The following PPIP5K2 variants were observed in gnomAD, a reference collection of about 807,000 sequenced individuals.
The protein encoded by PPIP5K2 is diphosphoinositol pentakisphosphate kinase 2.
A neutral mutation model predicts 154.6 loss-of-function variants in PPIP5K2; 105 were observed. The observed-to-expected ratio is 0.68, with a 90% confidence interval of 0.58 to 0.80. The LOEUF is 0.80. Ranked by LOEUF, PPIP5K2 falls within the 30% of genes least tolerant of loss-of-function variation. The probability of loss-of-function intolerance (pLI) is 0.00; values close to 1 mark genes in which losing one functional copy is unlikely to be tolerated. For synonymous variants in PPIP5K2, 480 were observed against 490.3 expected, an observed-to-expected ratio of 0.98 and a Z score of 0.28; for missense variants, 992 against 1,504.6, an observed-to-expected ratio of 0.66 and a Z score of 5.64.
intron 14 of PPIP5K2, among the ~76,000 whole-genome samples, chr5:103,157,786 T>A (rs1554214067): frequency 6.6e-6 from 1 of 152,056 alleles, no homozygotes; most frequent in Non-Finnish European, 1.5e-5. Context: ...CAAAGGGTGC[T>A]TGATAGCAAG....
chr5:103,147,082 G>A (rs1165712768), intron 6 of PPIP5K2, among the ~76,000 whole-genome samples: 3 of 151,840 alleles, frequency 2.0e-5, no homozygotes, highest in African/African-American at 7.2e-5. Flanking sequence ...ATTAAATTGA[G>A]ATATAATGAC....
intron 17 of PPIP5K2, among the ~76,000 whole-genome samples, chr5:103,165,529 A>C (rs1313027335): frequency 6.6e-6 from 1 of 152,128 alleles, no homozygotes; most frequent in African/African-American, 2.4e-5. Flanking sequence ...CACTAACAAG[A>C]GTAAGACATC....
chr5:103,198,598 A>G (rs959094992), intron 30 of PPIP5K2, among the ~76,000 whole-genome samples: 5 of 152,134 alleles, frequency 3.3e-5, no homozygotes, highest in Non-Finnish European at 7.4e-5. Flanking sequence ...AATTAGATGC[A>G]TATTTGATTA....
At chr5:103,172,170 C>A (rs1433890724) in intron 19 of PPIP5K2, among the ~76,000 whole-genome samples, 1 of 151,494 alleles carries the variant, frequency 6.6e-6, no homozygotes, top group Non-Finnish European at 1.5e-5. Context: ...CAACATTTTT[C>A]TTTTGTTTAC....
At chr5:103,133,680 A>G (rs782653557) in intron 3 of PPIP5K2, 32 bp downstream of exon 3, 34 of 1,488,242 alleles carry the variant, frequency 2.3e-5, no homozygotes, top group Non-Finnish European at 3.0e-5. Flanking sequence ...AAACTCCTTT[A>G]TCCTCTCTGT....
At position 103,159,261 on chromosome 5, in the gene PPIP5K2, G is replaced by A. The variant is rs1795860711; in HGVS notation, c.1853G>A (p.Arg618His). Residue 618 changes from arginine (R) to histidine (H), a missense_variant, in exon 17 of 31, where the codon CGT becomes CAT. Arg to His is a conservative substitution (Grantham distance 29). Transcript: ENST00000358359. Reference sequence around the variant, plus strand: ...GACTCTCTGAGCAGTTGTCAGCAACGTGTGAAGGCAAGGCTTCATGAAATA... The same window carrying A: ...GACTCTCTGAGCAGTTGTCAGCAACATGTGAAGGCAAGGCTTCATGAAATA... ...DSDSLSSCQQ[R>H]VKARLHEILQ... 3 of 1,613,536 alleles carry A rather than the reference G, an allele frequency of 1.9e-6. No individual in the cohort carries two copies. The highest frequency in any genetic ancestry group is 2.5e-6 in the Non-Finnish European group (3 of 1,179,732).
In PPIP5K2 at chr5:103,138,394, T is replaced by C. The variant is rs1411450573; in HGVS notation, c.412T>C (p.Tyr138His). The change falls in exon 5 of 31, where the codon TAT becomes CAT. Residue 138 changes from tyrosine (Y) to histidine (H), a missense_variant. Tyr to His is a moderately conservative substitution (Grantham distance 83). Transcript: ENST00000358359. ...TCCCTTTTTCTTCAGGAGAGAAGTA[T>C]ATAGTATTCTTCAAGCTGAAGGTAT... ...QYLIQDRREV[Y>H]SILQAEGILL... The C allele has an allele frequency of 2.5e-6, 4 of 1,582,696 alleles. No homozygotes were observed. Among genetic ancestry groups the C allele is most frequent in the Admixed American group, 3.4e-5 (2 of 58,968 alleles).
chr5:103,167,358 G>A (rs1323616980), intron 18 of PPIP5K2, 38 bp downstream of exon 18: 1 of 1,458,004 alleles, frequency 6.9e-7, no homozygotes, highest in African/African-American at 1.4e-5. Context: ...ACAAATAAAA[G>A]TTACTATTCA....
In PPIP5K2 at chr5:103,129,654, G is replaced by A. The variant is rs370371182; in HGVS notation, c.65G>A (p.Arg22Gln). The change falls in exon 2 of 31, where the codon CGA becomes CAA. Residue 22 changes from arginine (R) to glutamine (Q), a missense_variant. Arg to Gln is a conservative substitution (Grantham distance 43). This residue lies in a region of PPIP5K2 where 153 missense variants were observed against 200.4 expected (regional missense o/e 0.76). Transcript: ENST00000358359. ...ACAGAAATAAATCCTGGAAATTATC[G>A]ACATTTCTTCCACCATGCAGATGAA... Reference protein sequence around the residue: ...EDTEINPGNYRHFFHHADEDD... With the variant: ...EDTEINPGNYQHFFHHADEDD... The A allele has an allele frequency of 7.5e-6, 12 of 1,609,300 alleles. No homozygotes were observed. Among genetic ancestry groups the A allele is most frequent in the South Asian group, 4.4e-5 (4 of 90,130 alleles).
intron 14 of PPIP5K2, 83 bp downstream of exon 14, chr5:103,156,077 G>T: frequency 1.1e-6 from 1 of 932,392 alleles, no homozygotes; most frequent in Non-Finnish European, 1.7e-6. Flanking sequence ...ACCATCTTTT[G>T]CTTAGTAGTT....
At chr5:103,183,176 CTTTTTTTTTTTTTTTT>C (rs781952635) in intron 24 of PPIP5K2, 42 bp from the exon 25 acceptor site, 71 of 539,200 alleles carry the variant, frequency 1.3e-4, no homozygotes, top group East Asian at 6.0e-4. Flanking sequence ...GCATGCTCTG[CTTTTTTTTTTTTTTTT>C]TTTTTTTTTT....
Position 103,205,951 on chromosome 5 carries a change from G to A in PPIP5K2, c.*4317G>A, listed in dbSNP as rs1300344831. 1.3e-5 allele frequency: 2 copies of A among 152,010 alleles called. No homozygotes were observed. Among genetic ancestry groups the A allele is most frequent in the Non-Finnish European group, 2.9e-5 (2 of 67,980 alleles). 9.4% of individuals were successfully genotyped at this position (152,010 alleles called of 1,614,324 possible). A position where few individuals can be genotyped will look rare whatever the true frequency, so the allele number is the denominator to read the frequency against. ...TTTAATATAGTATATATTGGGTTTT[G>A]CTTTGTGATTCAATTTTAAGATCCC... On this transcript the variant is annotated 3_prime_UTR_variant, in exon 31 of 31. Coordinates refer to ENST00000358359, the MANE Select transcript of PPIP5K2 (RefSeq NM_001276277.3).
chr5:103,153,806 C>T, intron 10 of PPIP5K2, 42 bp from the exon 11 acceptor site: 5 of 1,382,706 alleles, frequency 3.6e-6, no homozygotes, highest in East Asian at 2.4e-5. Flanking sequence ...CAACACAAAT[C>T]TTTTTTAGAG....
intron 29 of PPIP5K2, among the ~76,000 whole-genome samples, chr5:103,194,494 C>T (rs950932216): frequency 2.6e-5 from 4 of 152,126 alleles, no homozygotes; most frequent in Admixed American, 6.6e-5. Flanking sequence ...TGGGCAGGCA[C>T]GGTGGTTCAT....
At chr5:103,201,350 T>A (rs1562522114) in intron 30 of PPIP5K2, among the ~76,000 whole-genome samples, 172 bp from the exon 31 acceptor site, 1 of 152,232 alleles carries the variant, frequency 6.6e-6, no homozygotes, top group Non-Finnish European at 1.5e-5. Context: ...TTTCTATATT[T>A]GTGTTGAATT....
chr5:103,208,359 A>C lies in PPIP5K2; in HGVS notation c.*6725A>C, dbSNP rs1803630506. On this transcript the variant is annotated 3_prime_UTR_variant, in exon 31 of 31. Coordinates refer to ENST00000358359, the MANE Select transcript of PPIP5K2 (RefSeq NM_001276277.3). The stretch of plus-strand genomic sequence containing the variant: ...CTGCCTCAGCCTCCCAAAATGCTGG[A>C]ATTACAGGCATGAGCCATCATGCCC... The C allele has an allele frequency of 6.6e-6, 1 of 152,258 alleles. No individual in the cohort carries two copies. Among genetic ancestry groups the C allele is most frequent in the South Asian group, 2.1e-4 (1 of 4,810 alleles). The allele number at this position is 152,258 out of a possible 1,614,324, so 9.4% of individuals were successfully genotyped here.
At chr5:103,185,980 G>A (rs1677700703) in intron 26 of PPIP5K2, among the ~76,000 whole-genome samples, 1 of 150,818 alleles carries the variant, frequency 6.6e-6, no homozygotes. Flanking sequence ...TTGATTAACA[G>A]AGTCCTTTCT....
intron 30 of PPIP5K2, among the ~76,000 whole-genome samples, chr5:103,199,298 A>C (rs1429217895): frequency 1.3e-5 from 2 of 152,038 alleles, no homozygotes; most frequent in African/African-American, 4.8e-5. Context: ...CTTCAGCCTG[A>C]AGTTTTTTAG....
chr5:103,180,662 A>G (rs1799377441), intron 24 of PPIP5K2, among the ~76,000 whole-genome samples: 1 of 151,980 alleles, frequency 6.6e-6, no homozygotes, highest in South Asian at 2.1e-4. Context: ...ATCCTGGCTA[A>G]CATAGTGAAA....
Sources: gnomAD v4.1 joint callset for allele counts (sites outside exome capture counted in the v4.1 genomes callset) on GRCh38, gnomAD v4.1.1 for gene constraint, gnomAD v4.1.1 regional missense constraint, MANE v1.5 for transcripts, NCBI Gene and HGNC (gene_info 2026-07-23, HGNC 2026-07-21) for gene names.